GRIP1: variants seen among roughly 807,000 people sequenced by gnomAD.
GRIP1 encodes the protein glutamate receptor interacting protein 1.
In GRIP1, 45 loss-of-function variants were observed where a neutral mutation model predicts 129.9. The ratio of observed to expected loss-of-function variants is 0.35; its 90% CI spans 0.27 to 0.44. The LOEUF (loss-of-function observed/expected upper bound fraction) is 0.44. Ranked by LOEUF, GRIP1 falls within the 20% of genes least tolerant of loss-of-function variation. The pLI is 1.00. For synonymous variants in GRIP1, 530 were observed against 520.8 expected (o/e 1.02, Z -0.24); for missense variants, 1,196 against 1,396.8 (o/e 0.86, Z 2.29).
chr12:66,957,440 C>A (rs912351740), intron 1 of GRIP1, among the ~76,000 whole-genome samples: 2 of 144,158 alleles, frequency 1.4e-5, no homozygotes, highest in South Asian at 2.2e-4. Context: ...ATATATATTT[C>A]TTTTTTCTGT....
chr12:66,943,329 A>C (rs1393798796), intron 1 of GRIP1, among the ~76,000 whole-genome samples: 1 of 152,210 alleles, frequency 6.6e-6, no homozygotes, highest in Non-Finnish European at 1.5e-5. Context: ...CCAGGAACAA[A>C]TGCCCACTTG....
intron 5 of GRIP1, among the ~76,000 whole-genome samples, chr12:66,521,587 C>T (rs572800593): frequency 7.2e-5 from 11 of 152,270 alleles, no homozygotes; most frequent in South Asian, 2.1e-4. Flanking sequence ...ACGCAGAAGA[C>T]GGGTGATTTC....
Position 66,371,874 on chromosome 12 carries a change from A to G in GRIP1, c.2832T>C (p.Pro944=). The change falls in exon 23 of 25, where the codon CCT becomes CCC. Residue 944 remains proline, a synonymous_variant. Transcript: ENST00000359742. ...TGGCCTGTCGCCCCAGCTGACTGCG[A>G]GGTGTTGGAGCCTCATGATTCAAAC... ...TMSLNHEAPT[P]RSQLGRQASF... 1 of 1,613,440 alleles carries G rather than the reference A, an allele frequency of 6.2e-7. No homozygotes were observed. Among genetic ancestry groups the G allele is most frequent in the Non-Finnish European group, 8.5e-7 (1 of 1,179,944 alleles).
chr12:66,596,876 G>A lies in GRIP1; in HGVS notation c.107C>T (p.Ala36Val), dbSNP rs746032734. 96 of 1,613,114 alleles carry A rather than the reference G, an allele frequency of 6.0e-5. No individual in the cohort carries two copies. Among genetic ancestry groups the A allele is most frequent in the Admixed American group, 2.5e-4 (15 of 59,994 alleles). The change falls in exon 2 of 25, where the codon GCG (alanine) becomes GTG (valine). Residue 36 changes from alanine to valine, a missense_variant. By Grantham distance (64) the Ala-to-Val change is moderately conservative. Transcript: ENST00000359742. ...SASQTKPPDG[A>V]LAVRRQSIPE... ...GATGCTCTGTCTCCTCACAGCCAAC[G>A]CTCCATCAGGCGGCTTTGTCTGGCT...
chr12:66,565,799 G>A (rs907571294), intron 2 of GRIP1, among the ~76,000 whole-genome samples: 5 of 152,016 alleles, frequency 3.3e-5, no homozygotes, highest in Non-Finnish European at 5.9e-5. Context: ...CTTTTATTTC[G>A]TTGAGCAGTG....
At chr12:66,351,340 A>C (rs1313795117) in intron 24 of GRIP1, among the ~76,000 whole-genome samples, 1 of 152,214 alleles carries the variant, frequency 6.6e-6, no homozygotes, top group Non-Finnish European at 1.5e-5. Context: ...AAAACTGTAC[A>C]TAAGATCAGA....
intron 1 of GRIP1, among the ~76,000 whole-genome samples, chr12:66,728,870 T>C (rs989911556): frequency 6.6e-6 from 1 of 152,090 alleles, no homozygotes; most frequent in Non-Finnish European, 1.5e-5. Context: ...GCAGCATACA[T>C]AAAACTAAGG....
chr12:66,829,157 A>C (rs1222276707), intron 1 of GRIP1, among the ~76,000 whole-genome samples: 1 of 152,186 alleles, frequency 6.6e-6, no homozygotes, highest in East Asian at 1.9e-4. Context: ...GCTTGTCTTG[A>C]ACTATCCAGG....
chr12:66,686,033 C>G (rs2034771776), intron 1 of GRIP1, among the ~76,000 whole-genome samples: 1 of 152,112 alleles, frequency 6.6e-6, no homozygotes, highest in Admixed American at 6.5e-5. Flanking sequence ...TTGTAAAACT[C>G]TTATGGAAAA....
chr12:66,873,825 T>C (rs1476953626), intron 1 of GRIP1, among the ~76,000 whole-genome samples: 2 of 152,052 alleles, frequency 1.3e-5, no homozygotes, highest in African/African-American at 4.8e-5. Flanking sequence ...TCCTATAGTT[T>C]TATAGATGAA....
chr12:66,377,339 T>G lies in GRIP1; in HGVS notation c.2622-54A>C, dbSNP rs2055841492. 6 of 1,211,122 alleles carry G rather than the reference T, an allele frequency of 5.0e-6. No homozygotes were observed. The Admixed American group carries it at 1.0e-4, about 20-fold the overall frequency. The allele number at this position is 1,211,122 out of a possible 1,614,324, so 75.0% of individuals were successfully genotyped here. A position where few individuals can be genotyped will look rare whatever the true frequency, so the allele number is the denominator to read the frequency against. On this transcript the variant is annotated intron_variant, in intron 20 of 24. Transcript: ENST00000359742. ...GGAACTTGCCAGACATTTTTTTTTT[T>G]TTTTTTGAGACGGAGTCTCTCTCTG...
chr12:67,066,911 T>TATATATATATATATATAC (rs1474197671), intron 1 of GRIP1, among the ~76,000 whole-genome samples: 4 of 140,604 alleles, frequency 2.8e-5, no homozygotes, highest in African/African-American at 8.0e-5. Flanking sequence ...TATATATATA[T>TATATATATATATATATAC]ACACACACAC....
chr12:66,395,274 G>A (rs918219873), intron 16 of GRIP1, among the ~76,000 whole-genome samples: 1 of 152,148 alleles, frequency 6.6e-6, no homozygotes, highest in Non-Finnish European at 1.5e-5. Flanking sequence ...GGCACTTCTT[G>A]TTTTATTCCT....
chr12:66,475,439 G>A (rs889719387), intron 7 of GRIP1, among the ~76,000 whole-genome samples: 3 of 152,104 alleles, frequency 2.0e-5, no homozygotes, highest in Non-Finnish European at 4.4e-5. Context: ...AAGTTAACAA[G>A]GATATCCAGG....
In GRIP1 at chr12:66,529,812, T is replaced by C. The variant is rs746334951; in HGVS notation, c.502+19A>G. 1 of 1,379,770 alleles carries C rather than the reference T, an allele frequency of 7.2e-7. No individual in the cohort carries two copies. Among genetic ancestry groups the C allele is most frequent in the Non-Finnish European group, 1.0e-6 (1 of 966,336 alleles). 85.5% of individuals were successfully genotyped at this position (1,379,770 alleles called of 1,614,324 possible). On this transcript the variant is annotated intron_variant, in intron 5 of 24. Coordinates refer to ENST00000359742, the MANE Select transcript of GRIP1 (RefSeq NM_001366722.1). The stretch of plus-strand genomic sequence containing the variant: ...TGGAAATATTTTTTTTAAAGTAGAT[T>C]TTTCTAACCAACACCTACCTCGAAT...
At chr12:66,677,303 C>T (rs984051657) in intron 1 of GRIP1, among the ~76,000 whole-genome samples, 4 of 152,088 alleles carry the variant, frequency 2.6e-5, no homozygotes, top group South Asian at 2.1e-4. Flanking sequence ...CTTGGGTTCA[C>T]TCTCTTCCTT....
intron 7 of GRIP1, among the ~76,000 whole-genome samples, chr12:66,500,849 G>A (rs914931768): frequency 5.9e-5 from 9 of 152,180 alleles, no homozygotes; most frequent in Non-Finnish European, 8.8e-5. Flanking sequence ...AGGTGTTACA[G>A]AAAGAAGACA....
Position 66,394,368 on chromosome 12 carries a change from A to G in GRIP1, c.1985-16T>C, listed in dbSNP as rs759945999. ...TCTTGCTCATCTGTAATAAATGCCA[A>G]GGAATCATAATTGATTTCTTTGGAA... is the stretch of plus-strand genomic sequence containing the variant. On this transcript the variant is annotated splice_polypyrimidine_tract_variant and intron_variant, in intron 16 of 24. Coordinates refer to ENST00000359742, the MANE Select transcript of GRIP1 (RefSeq NM_001366722.1). 6.2e-7 allele frequency: 1 copy of G among 1,612,582 alleles called. No homozygotes were observed. Among genetic ancestry groups the G allele is most frequent in the South Asian group, 1.1e-5 (1 of 91,034 alleles).
In GRIP1 at chr12:66,852,365, T is replaced by C. The variant is rs182692343; in HGVS notation, c.58+216685A>G. Among the ~76,000 whole-genome samples, 933 of 152,024 alleles carry C rather than the reference T, an allele frequency of 6.1e-3. 12 individuals carry two copies. Among genetic ancestry groups the C allele is most frequent in the African/African-American group, 0.021 (890 of 41,524 alleles). On this transcript the variant is annotated intron_variant, in intron 1 of 1. Transcript: ENST00000643019. Reference sequence around the variant, plus strand: ...CAAGAAGTTCAAACTGAGGTCAAACTTTTTAAAAATGTCATTTAGAATGAG... The same window carrying C: ...CAAGAAGTTCAAACTGAGGTCAAACCTTTTAAAAATGTCATTTAGAATGAG...
Sources: gnomAD v4.1 joint callset for allele counts (sites outside exome capture counted in the v4.1 genomes callset) on GRCh38, gnomAD v4.1.1 for gene constraint, MANE v1.5 for transcripts, NCBI Gene and HGNC (gene_info 2026-07-23, HGNC 2026-07-21) for gene names.